The following CSMD1 variants were observed in gnomAD, a reference collection of about 807,000 sequenced individuals.
The protein encoded by CSMD1 is CUB and Sushi multiple domains 1.
In CSMD1, 213 loss-of-function variants were observed where a neutral mutation model predicts 417.5. The ratio of observed to expected loss-of-function variants is 0.51; its 90% confidence interval spans 0.46 to 0.57. The LOEUF (loss-of-function observed/expected upper bound fraction) is 0.57. Ranked by LOEUF, CSMD1 falls within the 20% of genes least tolerant of loss-of-function variation. CSMD1 has a pLI of 0.00. For missense variants in CSMD1, 6,923 were observed against 4,529.7 expected (o/e 1.53, Z -15.17); for synonymous variants, 2,862 against 1,736.8 (o/e 1.65, Z -16.11).
intron 6 of CSMD1, among the ~76,000 whole-genome samples, chr8:3,742,937 T>A (rs931353768): frequency 2.0e-5 from 3 of 152,200 alleles, no homozygotes; most frequent in South Asian, 2.1e-4. Context: ...CATGTCGCAC[T>A]CATCTTCTTG....
At chr8:4,988,672 G>C (rs1033795444) in intron 1 of CSMD1, among the ~76,000 whole-genome samples, 1 of 152,180 alleles carries the variant, frequency 6.6e-6, no homozygotes, top group Non-Finnish European at 1.5e-5. Flanking sequence ...GATATTTGAA[G>C]ATAAATAAAC....
At chr8:3,252,307 C>G (rs1199288694) in intron 26 of CSMD1, among the ~76,000 whole-genome samples, 1 of 152,192 alleles carries the variant, frequency 6.6e-6, no homozygotes, top group Non-Finnish European at 1.5e-5. Context: ...ATTTCTGCAT[C>G]TATTGGGATT....
intron 7 of CSMD1, among the ~76,000 whole-genome samples, chr8:3,662,381 T>C (rs924589944): frequency 5.3e-5 from 8 of 152,346 alleles, no homozygotes; most frequent in Non-Finnish European, 8.8e-5. Context: ...CATCTCTCCC[T>C]AACTTAAATA....
intron 55 of CSMD1, among the ~76,000 whole-genome samples, chr8:2,977,815 A>G (rs913088016): frequency 6.6e-6 from 1 of 152,214 alleles, no homozygotes; most frequent in Non-Finnish European, 1.5e-5. Context: ...GCCAATAAAC[A>G]TATGAAAAAA....
intron 5 of CSMD1, among the ~76,000 whole-genome samples, chr8:3,876,298 G>T (rs967654889): frequency 6.6e-6 from 1 of 152,144 alleles, no homozygotes; most frequent in African/African-American, 2.4e-5. Flanking sequence ...TTTAGAATTA[G>T]TATGGGAAAA....
At chr8:4,228,702 G>C (rs1320318820) in intron 3 of CSMD1, among the ~76,000 whole-genome samples, 5 of 147,450 alleles carry the variant, frequency 3.4e-5, no homozygotes, top group East Asian at 2.0e-4. Context: ...CTTTTTTCTT[G>C]AGATGGAGTC....
chr8:4,745,547 A>T (rs115481618), intron 1 of CSMD1, among the ~76,000 whole-genome samples: 1 of 152,138 alleles, frequency 6.6e-6, no homozygotes, highest in South Asian at 2.1e-4. Context: ...TGTTCATCTG[A>T]CTATTCACTT....
At chr8:2,981,705 T>A (rs926624295) in intron 54 of CSMD1, among the ~76,000 whole-genome samples, 2 of 151,998 alleles carry the variant, frequency 1.3e-5, no homozygotes, top group Non-Finnish European at 2.9e-5. Context: ...CAGGGAGAAG[T>A]TCAAATGAAC....
intron 5 of CSMD1, among the ~76,000 whole-genome samples, chr8:3,873,198 A>T (rs1181012628): frequency 6.6e-6 from 1 of 152,178 alleles, no homozygotes; most frequent in African/African-American, 2.4e-5. Context: ...CAATCCCTTT[A>T]CTGGCTATGT....
intron 2 of CSMD1, among the ~76,000 whole-genome samples, chr8:4,452,010 T>A (rs1211099309): frequency 6.6e-6 from 1 of 150,936 alleles, no homozygotes; most frequent in East Asian, 1.9e-4. Context: ...AATGAAATAT[T>A]ATCTTTAGGC....
intron 3 of CSMD1, among the ~76,000 whole-genome samples, chr8:4,206,455 G>A (rs79741893): frequency 6.6e-6 from 1 of 151,958 alleles, no homozygotes; most frequent in African/African-American, 2.4e-5. Context: ...CTGTCCTTGT[G>A]ATAGTTTGCT....
At chr8:3,471,064 A>G (rs949102082) in intron 11 of CSMD1, among the ~76,000 whole-genome samples, 9 of 152,180 alleles carry the variant, frequency 5.9e-5, no homozygotes, top group African/African-American at 2.2e-4. Flanking sequence ...GCATTGTGAA[A>G]TCATGTTGAG....
rs142121283 is a variant in CSMD1 at position 3,714,514 on chromosome 8, G to C, written c.932-6023C>G. Among the ~76,000 whole-genome samples the C allele has an allele frequency of 2.0e-3, 257 of 131,030 alleles. 1 individual carries two copies. In the Middle Eastern group the frequency reaches 0.02, roughly 10 times the overall value. 86.0% of individuals were successfully genotyped at this position (131,030 alleles called of 152,430 possible). A position where few individuals can be genotyped will look rare whatever the true frequency, so the allele number is the denominator to read the frequency against. On this transcript the variant is annotated intron_variant, in intron 6 of 69. Transcript: ENST00000635120. ...GAGACAGGGGATCACATGAAGTTAG[G>C]AGTTCAACAGCAGCCTGGCCAACAT...
intron 1 of CSMD1, among the ~76,000 whole-genome samples, chr8:4,948,820 G>T (rs1400719660): frequency 6.6e-6 from 1 of 152,084 alleles, no homozygotes; most frequent in African/African-American, 2.4e-5. Context: ...CTAGAATGGA[G>T]CTGCAGCATA....
chr8:4,101,824 C>G (rs933727475), intron 3 of CSMD1, among the ~76,000 whole-genome samples: 2 of 2,504 alleles, frequency 8.0e-4, no homozygotes. Flanking sequence ...GAATTACTCA[C>G]TCCGCACATC....
At chr8:3,768,922 C>A (rs1463933921) in intron 5 of CSMD1, among the ~76,000 whole-genome samples, 1 of 152,206 alleles carries the variant, frequency 6.6e-6, no homozygotes, top group Non-Finnish European at 1.5e-5. Flanking sequence ...GCACTCACTG[C>A]TTTTCAAGAA....
At chr8:4,880,228 G>A (rs1159515035) in intron 1 of CSMD1, among the ~76,000 whole-genome samples, 1 of 151,990 alleles carries the variant, frequency 6.6e-6, no homozygotes, top group East Asian at 1.9e-4. Context: ...ATTTTTCGGA[G>A]ATACGCATTC....
chr8:3,724,919 C>T (rs114726142), intron 6 of CSMD1, among the ~76,000 whole-genome samples: 7 of 152,154 alleles, frequency 4.6e-5, no homozygotes, highest in Non-Finnish European at 1.0e-4. Flanking sequence ...GAAGCACATG[C>T]CCCACTATGT....
At chr8:4,318,472 TG>T (rs1417539394) in intron 3 of CSMD1, among the ~76,000 whole-genome samples, 1 of 152,076 alleles carries the variant, frequency 6.6e-6, no homozygotes, top group Non-Finnish European at 1.5e-5. Context: ...TAGCAAGTAA[TG>T]AAACAAAGCT....
Sources: gnomAD v4.1 joint callset for allele counts (sites outside exome capture counted in the v4.1 genomes callset) on GRCh38, gnomAD v4.1.1 for gene constraint, MANE v1.5 for transcripts, NCBI Gene and HGNC (gene_info 2026-07-23, HGNC 2026-07-21) for gene names.